The following ZBTB20 variants were observed in gnomAD, a reference collection of about 807,000 sequenced individuals.
ZBTB20 encodes the protein zinc finger and BTB domain containing 20, also known as zinc finger and BTB domain-containing protein 20.
ZBTB20 carries 9 observed loss-of-function variants against 56.9 expected under a neutral mutation model. The observed-to-expected ratio is 0.16, with a 90% confidence interval of 0.10 to 0.28. The LOEUF (loss-of-function observed/expected upper bound fraction) is 0.28, where lower values mean the gene tolerates loss of function less well. ZBTB20 is among the 10% of genes least tolerant of loss of function. The pLI is 1.00. For synonymous variants in ZBTB20, 417 were observed against 420.7 expected (o/e 0.99, Z 0.11); for missense variants, 655 against 1,003.0 (o/e 0.65, Z 4.69).
intron 2 of ZBTB20, among the ~76,000 whole-genome samples, chr3:115,056,675 G>C (rs569113257): frequency 1.3e-5 from 2 of 152,126 alleles, no homozygotes; most frequent in Non-Finnish European, 2.9e-5. Context: ...TATGTGGATA[G>C]CATCAGGAGG....
chr3:115,086,524 C>A (rs2108558603), intron 1 of ZBTB20, among the ~76,000 whole-genome samples: 1 of 151,912 alleles, frequency 6.6e-6, no homozygotes, highest in South Asian at 2.1e-4. Flanking sequence ...ACAGCCTTGT[C>A]AGCCAACCCT....
chr3:114,501,495 G>A (rs555724988), intron 6 of ZBTB20, among the ~76,000 whole-genome samples: 4 of 151,194 alleles, frequency 2.6e-5, no homozygotes, highest in East Asian at 4.0e-4. Context: ...GCATGGTGGC[G>A]GGCGCCTGTA....
chr3:114,722,604 A>T (rs969323668), intron 5 of ZBTB20, among the ~76,000 whole-genome samples: 1 of 152,230 alleles, frequency 6.6e-6, no homozygotes, highest in African/African-American at 2.4e-5. Flanking sequence ...TATTAAAGAA[A>T]AAAACAAGTT....
chr3:114,458,676 C>T (rs1371188324), intron 7 of ZBTB20, among the ~76,000 whole-genome samples: 3 of 150,958 alleles, frequency 2.0e-5, no homozygotes, highest in Non-Finnish European at 2.9e-5. Context: ...ACTGAACGTA[C>T]GGGTTTTCAG....
chr3:114,714,866 C>T (rs1056086057), intron 5 of ZBTB20, among the ~76,000 whole-genome samples: 3 of 152,206 alleles, frequency 2.0e-5, no homozygotes, highest in Non-Finnish European at 2.9e-5. Flanking sequence ...AAAGCCATAA[C>T]GTTCCTGCCC....
chr3:115,038,148 G>A (rs1226444327), intron 2 of ZBTB20, among the ~76,000 whole-genome samples: 1 of 152,146 alleles, frequency 6.6e-6, no homozygotes, highest in African/African-American at 2.4e-5. Flanking sequence ...GCCTATTCAT[G>A]ATGATAAATG....
chr3:114,816,056 T>C (rs1455364443), intron 4 of ZBTB20, among the ~76,000 whole-genome samples: 4 of 152,184 alleles, frequency 2.6e-5, no homozygotes, highest in African/African-American at 9.7e-5. Context: ...TGAGGAGCTA[T>C]CCTCTTTCTG....
At chr3:114,810,415 A>G (rs1260506598) in intron 4 of ZBTB20, among the ~76,000 whole-genome samples, 2 of 152,102 alleles carry the variant, frequency 1.3e-5, no homozygotes, top group African/African-American at 2.4e-5. Flanking sequence ...GACCACACCT[A>G]AGGGCATGGG....
chr3:114,676,006 G>A (rs2061605612), intron 6 of ZBTB20, among the ~76,000 whole-genome samples: 1 of 152,026 alleles, frequency 6.6e-6, no homozygotes, highest in Middle Eastern at 3.2e-3. Flanking sequence ...TTTTATTGGT[G>A]AGGAAATAGA....
At chr3:114,401,324 A>G (rs1170567894) in intron 7 of ZBTB20, among the ~76,000 whole-genome samples, 2 of 152,160 alleles carry the variant, frequency 1.3e-5, no homozygotes, top group Admixed American at 1.3e-4. Context: ...AAGTATCCCA[A>G]TCCATACCAG....
chr3:115,038,456 T>C (rs770541793), intron 2 of ZBTB20, among the ~76,000 whole-genome samples: 1 of 152,146 alleles, frequency 6.6e-6, no homozygotes, highest in Non-Finnish European at 1.5e-5. Context: ...AATAAATAGA[T>C]GTAAATACAA....
chr3:115,055,636 T>G (rs1318849598), intron 2 of ZBTB20, among the ~76,000 whole-genome samples: 2 of 152,098 alleles, frequency 1.3e-5, no homozygotes, highest in African/African-American at 2.4e-5. Context: ...TATCGCATTG[T>G]TGTAAAGATA....
intron 10 of ZBTB20, among the ~76,000 whole-genome samples, chr3:114,352,602 C>G (rs1341465482): frequency 6.6e-6 from 1 of 152,174 alleles, no homozygotes; most frequent in Non-Finnish European, 1.5e-5. Context: ...ACTCATTCTT[C>G]TTGTCATCTC....
chr3:114,591,094 T>TA (rs955524008), intron 6 of ZBTB20, among the ~76,000 whole-genome samples: 7 of 152,294 alleles, frequency 4.6e-5, no homozygotes, highest in Admixed American at 3.3e-4. Context: ...TTTTCCAAGA[T>TA]AAAAAAAGTC....
At chr3:114,692,698 T>C (rs1578372651) in intron 6 of ZBTB20, among the ~76,000 whole-genome samples, 1 of 152,126 alleles carries the variant, frequency 6.6e-6, no homozygotes, top group African/African-American at 2.4e-5. Flanking sequence ...CAAGCTCTGA[T>C]TGGATAATAC....
At chr3:114,595,506 A>G (rs777520723) in intron 6 of ZBTB20, among the ~76,000 whole-genome samples, 3 of 152,180 alleles carry the variant, frequency 2.0e-5, no homozygotes, top group African/African-American at 7.2e-5. Context: ...AATGTTAGAG[A>G]CCTGAATTGA....
At chr3:114,869,363 T>C (rs2075896865) in intron 4 of ZBTB20, among the ~76,000 whole-genome samples, 1 of 152,156 alleles carries the variant, frequency 6.6e-6, no homozygotes, top group Admixed American at 6.6e-5. Flanking sequence ...CACATCATAT[T>C]TTCCCTTGAC....
intron 2 of ZBTB20, among the ~76,000 whole-genome samples, chr3:115,004,528 C>G (rs2079387109): frequency 6.6e-6 from 1 of 151,610 alleles, no homozygotes; most frequent in African/African-American, 2.4e-5. Context: ...TGCCTCTTTT[C>G]TTTGTTCAGT....
chr3:114,590,465 T>C (rs1352446432), intron 6 of ZBTB20, among the ~76,000 whole-genome samples: 1 of 144,618 alleles, frequency 6.9e-6, no homozygotes, highest in Admixed American at 6.9e-5. Flanking sequence ...TCTCAAAAAA[T>C]AAAAATAAAT....
Sources: allele counts gnomAD v4.1 joint callset (sites outside exome capture counted in the v4.1 genomes callset), GRCh38; gene constraint gnomAD v4.1.1; transcripts MANE v1.5; gene names NCBI Gene and HGNC (gene_info 2026-07-23, HGNC 2026-07-21).